The following RAB2A variants were observed in gnomAD, a reference collection of about 807,000 sequenced individuals.
RAB2A encodes the protein ras-related protein Rab-2A.
In RAB2A, 7 loss-of-function variants were observed where a neutral mutation model predicts 32.5. The ratio of observed to expected loss-of-function variants is 0.22; its 90% CI spans 0.12 to 0.40. The LOEUF (loss-of-function observed/expected upper bound fraction) is 0.40. Ranked by LOEUF, RAB2A falls within the 10% of genes least tolerant of loss-of-function variation. RAB2A has a pLI of 1.00. For synonymous variants in RAB2A, 79 were observed against 85.2 expected (o/e 0.93, Z 0.40); for missense variants, 108 against 260.7 (o/e 0.41, Z 4.03).
At position 60,610,763 on chromosome 8, in the gene RAB2A, G is replaced by A. The variant is rs1264525602; in HGVS notation, c.475-7817G>A. On this transcript the variant is annotated intron_variant, in intron 6 of 7. Transcript: ENST00000262646. ...ATTTTCTGTACTTCTAAACCAGGGT[G>A]GCTAAACATTACCCAAGAAAATTAT... 2.6e-5 allele frequency among the ~76,000 whole-genome samples: 4 copies of A among 152,084 alleles called. No homozygotes were observed. The South Asian group carries it at 6.2e-4, about 24-fold the overall frequency.
intron 3 of RAB2A, among the ~76,000 whole-genome samples, chr8:60,573,794 T>C (rs1808229637): frequency 6.6e-6 from 1 of 152,230 alleles, no homozygotes; most frequent in Non-Finnish European, 1.5e-5. Context: ...TCTCTCTTCT[T>C]GTTTTGGAGA....
chr8:60,551,587 T>A (rs1258064754), intron 1 of RAB2A, among the ~76,000 whole-genome samples: 1 of 152,240 alleles, frequency 6.6e-6, no homozygotes, highest in Non-Finnish European at 1.5e-5. Flanking sequence ...TAACTACAGA[T>A]GGTCTCTGTC....
intron 6 of RAB2A, among the ~76,000 whole-genome samples, chr8:60,593,506 G>A (rs1803974126): frequency 6.6e-6 from 1 of 152,260 alleles, no homozygotes; most frequent in East Asian, 1.9e-4. Flanking sequence ...TTCTACTGTA[G>A]CCAAACATCA....
chr8:60,543,397 C>T (rs1302407340), intron 1 of RAB2A, among the ~76,000 whole-genome samples: 2 of 151,868 alleles, frequency 1.3e-5, no homozygotes, highest in Non-Finnish European at 2.9e-5. Context: ...ACTGTACTCT[C>T]TATCCCTGTC....
At chr8:60,573,072 C>G (rs1808220169) in intron 3 of RAB2A, among the ~76,000 whole-genome samples, 1 of 103,314 alleles carries the variant, frequency 9.7e-6, no homozygotes, top group African/African-American at 7.7e-5. Flanking sequence ...AAAATCCAGC[C>G]TCACACAAAT....
At chr8:60,605,304 C>G (rs1375509811) in intron 6 of RAB2A, among the ~76,000 whole-genome samples, 1 of 152,218 alleles carries the variant, frequency 6.6e-6, no homozygotes, top group African/African-American at 2.4e-5. Context: ...TTTGGATGTT[C>G]AGGCAGAAGC....
intron 2 of RAB2A, among the ~76,000 whole-genome samples, chr8:60,563,965 A>G (rs1185313997): frequency 6.6e-6 from 1 of 152,144 alleles, no homozygotes; most frequent in Non-Finnish European, 1.5e-5. Flanking sequence ...TCTATTCCTG[A>G]CATTTACAGC....
intron 6 of RAB2A, among the ~76,000 whole-genome samples, chr8:60,613,349 T>C (rs1195430363): frequency 6.6e-6 from 1 of 152,196 alleles, no homozygotes; most frequent in African/African-American, 2.4e-5. Flanking sequence ...GCTTACTACA[T>C]GTCAAGCACG....
At chr8:60,579,849 G>C (rs572988300) in intron 3 of RAB2A, among the ~76,000 whole-genome samples, 1 of 151,724 alleles carries the variant, frequency 6.6e-6, no homozygotes, top group South Asian at 2.1e-4. Context: ...GGATGGTCTC[G>C]ATCTCTTGAC....
At chr8:60,536,635 A>G (rs1236791917) in intron 1 of RAB2A, among the ~76,000 whole-genome samples, 2 of 152,222 alleles carry the variant, frequency 1.3e-5, no homozygotes, top group Admixed American at 1.3e-4. Flanking sequence ...AACTCAGCAT[A>G]GTGCAAATAG....
intron 1 of RAB2A, among the ~76,000 whole-genome samples, chr8:60,537,285 GC>G (rs1422759351): frequency 6.6e-6 from 1 of 152,036 alleles, no homozygotes; most frequent in Non-Finnish European, 1.5e-5. Flanking sequence ...CTAATGGCGT[GC>G]TCTCAGCTCA....
chr8:60,604,074 G>A (rs1371896649), intron 6 of RAB2A, among the ~76,000 whole-genome samples: 5 of 152,112 alleles, frequency 3.3e-5, no homozygotes, highest in African/African-American at 4.8e-5. Context: ...ACACCATACC[G>A]CTTGGTGCAG....
chr8:60,547,322 C>T (rs557563012), intron 1 of RAB2A, among the ~76,000 whole-genome samples: 2 of 152,340 alleles, frequency 1.3e-5, no homozygotes, highest in Admixed American at 1.3e-4. Flanking sequence ...GGCAACCATC[C>T]GATTTCTCAA....
At chr8:60,547,474 CG>C (rs936166662) in intron 1 of RAB2A, among the ~76,000 whole-genome samples, 1 of 151,726 alleles carries the variant, frequency 6.6e-6, no homozygotes, top group African/African-American at 2.4e-5. Flanking sequence ...TAGGCGCGGC[CG>C]GGCAGAGGCG....
chr8:60,610,691 C>G (rs1314415572), intron 6 of RAB2A, among the ~76,000 whole-genome samples: 1 of 152,140 alleles, frequency 6.6e-6, no homozygotes, highest in Non-Finnish European at 1.5e-5. Flanking sequence ...GCCATCATCC[C>G]CGGAACTTCA....
At chr8:60,618,803 C>T in intron 7 of RAB2A, 155 bp downstream of exon 7, 1 of 245,912 alleles carries the variant, frequency 4.1e-6, no homozygotes, top group South Asian at 1.6e-4. Flanking sequence ...TTACAGTCAT[C>T]CAACTGAAAA....
chr8:60,516,996 C>G lies in RAB2A; in HGVS notation c.-212C>G, dbSNP rs1807213794. 2.2e-6 allele frequency: 1 copy of G among 463,102 alleles called. No individual in the cohort carries two copies. The allele number at this position is 463,102 out of a possible 1,614,324, so 28.7% of individuals were successfully genotyped here. A position where few individuals can be genotyped will look rare whatever the true frequency, so the allele number is the denominator to read the frequency against. ...CGCCGCGGCGGCTGTTATTGTTCGG[C>G]TGGGCTCGGTCGGGCGCTGTCTCCC... On this transcript the variant is annotated 5_prime_UTR_variant, in exon 1 of 8. Coordinates refer to ENST00000262646, the MANE Select transcript of RAB2A (RefSeq NM_002865.3).
chr8:60,559,540 A>G (rs972314064), intron 2 of RAB2A, among the ~76,000 whole-genome samples: 9 of 152,370 alleles, frequency 5.9e-5, no homozygotes, highest in Admixed American at 2.0e-4. Flanking sequence ...ATTATTTAAA[A>G]TAGTGATTTT....
intron 6 of RAB2A, among the ~76,000 whole-genome samples, chr8:60,593,212 C>T (rs539075845): frequency 3.9e-5 from 6 of 152,238 alleles, no homozygotes; most frequent in South Asian, 2.1e-4. Context: ...GTGATTTCAT[C>T]GTCACGTGAC....
Sources: gnomAD v4.1 joint callset for allele counts (sites outside exome capture counted in the v4.1 genomes callset) on GRCh38, gnomAD v4.1.1 for gene constraint, MANE v1.5 for transcripts, NCBI Gene and HGNC (gene_info 2026-07-23, HGNC 2026-07-21) for gene names.